Variants in DCC observed in about 807,000 individuals in gnomAD.
DCC encodes the protein netrin receptor DCC.
Under a neutral mutation model 172.5 loss-of-function variants are expected in DCC, and 58 were observed. The observed-to-expected ratio is 0.34, with a 90% CI of 0.27 to 0.42. The LOEUF (loss-of-function observed/expected upper bound fraction) is 0.42. Among genes scored for constraint, DCC ranks in the 10% least tolerant of loss-of-function variants. The pLI is 1.00. For missense variants in DCC, 1,740 were observed against 1,791.0 expected (o/e 0.97, Z 0.51); for synonymous variants, 709 against 644.5 (o/e 1.10, Z -1.52).
chr18:53,146,269 A>T lies in DCC; in HGVS notation c.1262-11087A>T, dbSNP rs372806717. 1.7e-4 allele frequency among the ~76,000 whole-genome samples: 26 copies of T among 152,332 alleles called. No individual in the cohort carries two copies. In the East Asian group the frequency reaches 2.7e-3, roughly 16 times the overall value. On this transcript the variant is annotated intron_variant, in intron 7 of 28. Transcript: ENST00000442544. Reference sequence around the variant, plus strand: ...CACCACAGACTGGGTGATTTATGAAAAAAAAGAAATTTATTTCTTACAGTT... The same window carrying T: ...CACCACAGACTGGGTGATTTATGAATAAAAAGAAATTTATTTCTTACAGTT...
chr18:52,813,917 A>C (rs2038243644), intron 2 of DCC, among the ~76,000 whole-genome samples: 1 of 152,162 alleles, frequency 6.6e-6, no homozygotes, highest in Non-Finnish European at 1.5e-5. Flanking sequence ...AACTTTTACT[A>C]TCATCTCTCC....
intron 1 of DCC, among the ~76,000 whole-genome samples, chr18:52,415,093 T>G (rs564118605): frequency 6.6e-6 from 1 of 152,334 alleles, no homozygotes; most frequent in East Asian, 1.9e-4. Flanking sequence ...TGGCTGAGAT[T>G]TTTTCATTAT....
chr18:53,172,288 T>G (rs1001350938), intron 8 of DCC, among the ~76,000 whole-genome samples: 2 of 151,982 alleles, frequency 1.3e-5, no homozygotes, highest in Middle Eastern at 3.2e-3. Flanking sequence ...CAGGGACATA[T>G]AGATGGCAAC....
At chr18:53,475,722 A>T (rs975785035) in intron 25 of DCC, among the ~76,000 whole-genome samples, 2 of 152,134 alleles carry the variant, frequency 1.3e-5, no homozygotes, top group African/African-American at 2.4e-5. Flanking sequence ...CAGAAGGGAG[A>T]TATGGGGTCA....
chr18:52,991,142 T>C, intron 5 of DCC, among the ~76,000 whole-genome samples: 1 of 151,980 alleles, frequency 6.6e-6, no homozygotes, highest in East Asian at 1.9e-4. Flanking sequence ...ACCTTATCGA[T>C]GTATCAGATC....
intron 7 of DCC, among the ~76,000 whole-genome samples, chr18:53,068,158 G>C (rs1426998725): frequency 2.0e-5 from 3 of 152,030 alleles, no homozygotes; most frequent in Non-Finnish European, 4.4e-5. Flanking sequence ...TAACTTCATT[G>C]GTGTGACTAA....
At position 52,722,731 on chromosome 18, in the gene DCC, GCTACA is replaced by G. The variant is rs200722366; in HGVS notation, c.92-29321_92-29317del. ...CTGCCCTCACCTGGATGGGTTGGCT[GCTACA>G]CACTGAGCAGTGCAGTCACTAAGGG... On this transcript the variant is annotated intron_variant, in intron 1 of 28. Transcript: ENST00000442544. 1.4e-3 allele frequency among the ~76,000 whole-genome samples: 216 copies of G among 152,266 alleles called. 2 individuals are homozygous for G. The East Asian group carries it at 0.027, about 19-fold the overall frequency.
chr18:52,354,711 T>G (rs558360484), intron 1 of DCC, among the ~76,000 whole-genome samples: 59 of 152,338 alleles, frequency 3.9e-4, no homozygotes, highest in African/African-American at 1.3e-3. Context: ...TTCTCAAATT[T>G]GCATGAAATC....
chr18:52,771,687 T>C (rs1418152899), intron 2 of DCC, among the ~76,000 whole-genome samples: 1 of 152,164 alleles, frequency 6.6e-6, no homozygotes, highest in Non-Finnish European at 1.5e-5. Flanking sequence ...AAACCTCCTT[T>C]AATATTGAGC....
chr18:53,217,572 A>C (rs550619927), intron 12 of DCC, among the ~76,000 whole-genome samples: 2 of 152,214 alleles, frequency 1.3e-5, no homozygotes, highest in African/African-American at 4.8e-5. Context: ...ATGAATTATA[A>C]ATTTTTATAT....
At chr18:53,143,538 CT>C (rs1312618028) in intron 7 of DCC, among the ~76,000 whole-genome samples, 4 of 152,158 alleles carry the variant, frequency 2.6e-5, no homozygotes, top group Admixed American at 2.6e-4. Flanking sequence ...TCTGGTTCAT[CT>C]TGAGGATTTT....
intron 19 of DCC, among the ~76,000 whole-genome samples, chr18:53,403,783 A>C (rs1281882039): frequency 6.6e-6 from 1 of 152,182 alleles, no homozygotes; most frequent in Non-Finnish European, 1.5e-5. Flanking sequence ...TGATACAGAG[A>C]GATAAGCATG....
At chr18:52,850,971 T>C (rs981329030) in intron 2 of DCC, among the ~76,000 whole-genome samples, 11 of 152,098 alleles carry the variant, frequency 7.2e-5, no homozygotes, top group African/African-American at 2.2e-4. Flanking sequence ...AGCTTCGATA[T>C]TACCTTTTTG....
chr18:53,488,278 G>C (rs2045924176), intron 26 of DCC, among the ~76,000 whole-genome samples: 1 of 152,144 alleles, frequency 6.6e-6, no homozygotes, highest in Non-Finnish European at 1.5e-5. Context: ...GGGAGGCTGA[G>C]GCATGAGAAT....
At chr18:52,487,081 T>C (rs957478471) in intron 1 of DCC, among the ~76,000 whole-genome samples, 1 of 152,122 alleles carries the variant, frequency 6.6e-6, no homozygotes, top group African/African-American at 2.4e-5. Context: ...TGCTTCCAGA[T>C]ACGGTGGAAT....
intron 25 of DCC, among the ~76,000 whole-genome samples, chr18:53,471,261 A>T (rs753891561): frequency 1.3e-5 from 2 of 152,204 alleles, no homozygotes; most frequent in Non-Finnish European, 2.9e-5. Flanking sequence ...CATCGTGGAG[A>T]ATATGGTATC....
intron 2 of DCC, among the ~76,000 whole-genome samples, chr18:52,824,964 C>T (rs550602695): frequency 4.0e-4 from 55 of 137,944 alleles, no homozygotes; most frequent in African/African-American, 1.4e-3. Flanking sequence ...AGCGAGACTC[C>T]CTCATATATA....
intron 12 of DCC, among the ~76,000 whole-genome samples, chr18:53,279,573 A>G: frequency 6.6e-6 from 1 of 151,218 alleles, no homozygotes; most frequent in South Asian, 2.1e-4. Flanking sequence ...GGTGCAGCAC[A>G]CCAACATGGC....
At chr18:53,048,489 T>TTGTG (rs71175550) in intron 5 of DCC, among the ~76,000 whole-genome samples, 5,127 of 139,336 alleles carry the variant, frequency 0.037, 158 homozygotes, top group African/African-American at 0.082. Flanking sequence ...ACTCCATGGT[T>TTGTG]TGTGTGTGTG....
Sources: gnomAD v4.1 joint callset for allele counts (sites outside exome capture counted in the v4.1 genomes callset) on GRCh38, gnomAD v4.1.1 for gene constraint, MANE v1.5 for transcripts, NCBI Gene and HGNC (gene_info 2026-07-23, HGNC 2026-07-21) for gene names.